SLC16A1: variants seen among roughly 807,000 people sequenced by gnomAD.
SLC16A1 encodes the protein monocarboxylate transporter 1.
SLC16A1 carries 11 observed loss-of-function variants against 32.2 expected under a neutral mutation model. The observed-to-expected ratio is 0.34, with a 90% CI of 0.21 to 0.56. The LOEUF (loss-of-function observed/expected upper bound fraction) is 0.56, where lower values mean the gene tolerates loss of function less well. Among genes scored for constraint, SLC16A1 ranks in the 20% least tolerant of loss-of-function variants. The pLI, the probability that SLC16A1 is intolerant of heterozygous loss-of-function variation, is 0.87. For synonymous variants in SLC16A1, 231 were observed against 226.8 expected, an observed-to-expected ratio of 1.02 and a Z score of -0.17; for missense variants, 435 against 615.0, an observed-to-expected ratio of 0.71 and a Z score of 3.10.
At chr1:112,927,120 A>C (rs1218545576) in intron 2 of SLC16A1, among the ~76,000 whole-genome samples, 2 of 121,456 alleles carry the variant, frequency 1.6e-5, no homozygotes, top group African/African-American at 8.1e-5. Flanking sequence ...ACCCTGTGTC[A>C]AAAAAAAAAA....
intron 2 of SLC16A1, among the ~76,000 whole-genome samples, chr1:112,926,062 T>C (rs770019646): frequency 1.4e-4 from 22 of 152,342 alleles, no homozygotes; most frequent in African/African-American, 5.3e-4. Flanking sequence ...AACTAATATA[T>C]GTGAGGTGTT....
intron 1 of SLC16A1, among the ~76,000 whole-genome samples, chr1:112,930,605 C>T (rs1224800112): frequency 6.6e-6 from 1 of 151,960 alleles, no homozygotes; most frequent in Non-Finnish European, 1.5e-5. Flanking sequence ...GAAATAAATC[C>T]CTTTCAATAA....
At chr1:112,949,626 A>G (rs1211177841) in intron 1 of SLC16A1, among the ~76,000 whole-genome samples, 2 of 152,202 alleles carry the variant, frequency 1.3e-5, no homozygotes, top group Non-Finnish European at 2.9e-5. Flanking sequence ...CTCTGGTGCC[A>G]GGGATTCCTT....
chr1:112,945,054 A>G (rs1649649659), intron 1 of SLC16A1, among the ~76,000 whole-genome samples: 1 of 146,036 alleles, frequency 6.8e-6, no homozygotes, highest in Non-Finnish European at 1.5e-5. Flanking sequence ...GCTGGAGTGC[A>G]GTGGCGTGAT....
chr1:112,945,868 T>C (rs1649686336), intron 1 of SLC16A1, among the ~76,000 whole-genome samples: 1 of 151,884 alleles, frequency 6.6e-6, no homozygotes, highest in Admixed American at 6.6e-5. Flanking sequence ...GGCGCACGCC[T>C]GTAATCTCAG....
intron 2 of SLC16A1, chr1:112,924,402 T>C: frequency 9.1e-7 from 1 of 1,098,314 alleles, no homozygotes; most frequent in Admixed American, 1.8e-5. Flanking sequence ...TTTCTCACAC[T>C]TTCTTTAATT....
At position 112,917,375 on chromosome 1, in the gene SLC16A1, T is replaced by A; in HGVS notation, c.1031A>T (p.His344Leu). The stretch of plus-strand genomic sequence containing the variant: ...GGTAGTGGATAAAGGTGCTAGCATA[T>A]GACACACTCCATTTGCAACAACGGA... Reference protein sequence around the residue: ...AASVVANGVCHMLAPLSTTYV... With the variant: ...AASVVANGVCLMLAPLSTTYV... Residue 344 changes from histidine (H) to leucine (L), a missense_variant, in exon 4 of 5, where the codon CAT becomes CTT. Physicochemically the swap from His to Leu is moderately conservative, Grantham distance 99. Coordinates refer to ENST00000369626, the MANE Select transcript of SLC16A1 (RefSeq NM_003051.4). The surrounding 1 kb of genome is among the most constrained non-coding windows in gnomAD (Gnocchi z 4.1). 1 of 1,614,182 alleles carries A rather than the reference T, an allele frequency of 6.2e-7. No individual in the cohort carries two copies. Among genetic ancestry groups the A allele is most frequent in the Non-Finnish European group, 8.5e-7 (1 of 1,180,036 alleles).
chr1:112,920,637 C>A (rs1218065873), intron 3 of SLC16A1, among the ~76,000 whole-genome samples: 1 of 151,904 alleles, frequency 6.6e-6, no homozygotes, highest in African/African-American at 2.4e-5. Flanking sequence ...AGAACAACAA[C>A]AAAACCAGAT....
chr1:112,929,397 C>A, intron 1 of SLC16A1, 45 bp from the exon 2 acceptor site: 1 of 1,037,162 alleles, frequency 9.6e-7, no homozygotes. Context: ...TAAGGCACAC[C>A]TATAAAACTC....
chr1:112,938,700 T>G (rs1457135083), intron 1 of SLC16A1, among the ~76,000 whole-genome samples: 2 of 152,102 alleles, frequency 1.3e-5, no homozygotes, highest in African/African-American at 4.8e-5. Flanking sequence ...ACTTGCTAAC[T>G]CGAATGCTTA....
rs114731222 is a variant in SLC16A1 at position 112,917,404 on chromosome 1, C to T, written c.1002G>A (p.Ala334=). The change falls in exon 4 of 5, where the codon GCG becomes GCA. Residue 334 remains alanine (A), a synonymous_variant. Transcript: ENST00000369626. The surrounding 1 kb of genome is among the most constrained non-coding windows in gnomAD (Gnocchi z 4.1). The stretch of plus-strand genomic sequence containing the variant: ...ACACTCCATTTGCAACAACGGAAGC[C>T]GCAAAGAAATACTGAATTCGAGGTC... ...PIRPRIQYFF[A]ASVVANGVCH... The T allele has an allele frequency of 1.1e-3, 1,806 of 1,614,108 alleles. 20 individuals are homozygous for T. In the African/African-American group the frequency reaches 0.019, roughly 17 times the overall value.
At position 112,929,123 on chromosome 1, in the gene SLC16A1, G is replaced by A. The variant is rs767004312; in HGVS notation, c.186C>T (p.Ser62=). ...CATACATGACAGCCAACATTATGGA[G>A]GATATCCATGACACTTCGCTGGTGG... ...HATTSEVSWI[S]SIMLAVMYGG... The change falls in exon 2 of 5, where the codon TCC becomes TCT. Residue 62 remains serine, a synonymous_variant. Transcript: ENST00000369626. 4.3e-6 allele frequency: 7 copies of A among 1,613,714 alleles called. No individual in the cohort carries two copies. The highest frequency in any genetic ancestry group is 5.9e-6 in the Non-Finnish European group (7 of 1,179,904).
At chr1:112,946,956 A>G (rs1460919648) in intron 1 of SLC16A1, among the ~76,000 whole-genome samples, 4 of 152,166 alleles carry the variant, frequency 2.6e-5, no homozygotes, top group African/African-American at 9.7e-5. Flanking sequence ...CTTCTCACAG[A>G]CTGAAAAACT....
chr1:112,948,282 T>C (rs1570646887), intron 1 of SLC16A1, among the ~76,000 whole-genome samples: 2 of 151,816 alleles, frequency 1.3e-5, no homozygotes, highest in East Asian at 1.9e-4. Context: ...GAAACCAGGG[T>C]ATACTATTCT....
chr1:112,919,235 C>T (rs1648629343), intron 3 of SLC16A1, among the ~76,000 whole-genome samples: 1 of 151,916 alleles, frequency 6.6e-6, no homozygotes, highest in African/African-American at 2.4e-5. Context: ...GGGGTTTCAC[C>T]GTATTAGCCA....
At chr1:112,921,476 AAAG>A (rs888904059) in intron 3 of SLC16A1, among the ~76,000 whole-genome samples, 6 of 152,156 alleles carry the variant, frequency 3.9e-5, no homozygotes, top group Admixed American at 1.3e-4. Flanking sequence ...TTGCTCAAAA[AAAG>A]GTGTATCTGT....
intron 1 of SLC16A1, among the ~76,000 whole-genome samples, chr1:112,932,529 G>A (rs1649169429): frequency 6.6e-6 from 1 of 152,034 alleles, no homozygotes; most frequent in Admixed American, 6.6e-5. Context: ...TCGGCCAGGT[G>A]CGGTGGCTCA....
chr1:112,948,884 G>A (rs1221757790), intron 1 of SLC16A1, among the ~76,000 whole-genome samples: 1 of 152,076 alleles, frequency 6.6e-6, no homozygotes, highest in East Asian at 1.9e-4. Flanking sequence ...AGGCTGGAGT[G>A]CAGTGGCGTG....
chr1:112,918,180 A>C (rs1193873891), intron 3 of SLC16A1, 136 bp from the exon 4 acceptor site: 1 of 647,512 alleles, frequency 1.5e-6, no homozygotes, highest in Non-Finnish European at 2.0e-6. Context: ...GGTTTAAAGT[A>C]TGACTTCTAA....
Sources: allele counts gnomAD v4.1 joint callset (sites outside exome capture counted in the v4.1 genomes callset), GRCh38; gene constraint gnomAD v4.1.1; non-coding constraint Gnocchi (gnomAD v3.1); transcripts MANE v1.5; gene names NCBI Gene and HGNC (gene_info 2026-07-23, HGNC 2026-07-21).